GADD45B: variants seen among roughly 807,000 people sequenced by gnomAD.
GADD45B encodes the protein growth arrest and DNA damage-inducible protein GADD45 beta.
In GADD45B, 8 loss-of-function variants were observed where a neutral mutation model predicts 15.2. The observed-to-expected ratio is 0.53, with a 90% confidence interval of 0.31 to 0.95. The LOEUF (loss-of-function observed/expected upper bound fraction) is 0.95. Ranked by LOEUF, GADD45B falls within the 40% of genes least tolerant of loss-of-function variation. The pLI is 0.05. For missense variants in GADD45B, 162 were observed against 216.6 expected, an observed-to-expected ratio of 0.75 and a Z score of 1.58; for synonymous variants, 100 against 89.8, an observed-to-expected ratio of 1.11 and a Z score of -0.64.
chr19:2,476,239 G>T lies in GADD45B; in HGVS notation c.-120G>T, dbSNP rs894150074. 246 of 892,968 alleles carry T rather than the reference G, an allele frequency of 2.8e-4. 1 individual carries two copies. Among genetic ancestry groups the T allele is most frequent in the Non-Finnish European group, 3.5e-4 (187 of 536,372 alleles). 55.3% of individuals were successfully genotyped at this position (892,968 alleles called of 1,614,324 possible). ...TTCTGGAAGGATTTCGCTGCTTCCC[G>T]AAGGTCTTGGACGAGCGCTCTAGCT... On this transcript the variant is annotated 5_prime_UTR_variant, in exon 1 of 4. Transcript: ENST00000215631.
Position 2,477,344 on chromosome 19 carries a change from C to A in GADD45B, c.369+93C>A. 1.9e-6 allele frequency: 2 copies of A among 1,040,698 alleles called. No homozygotes were observed. Among genetic ancestry groups the A allele is most frequent in the Non-Finnish European group, 1.4e-6 (1 of 718,310 alleles). The allele number at this position is 1,040,698 out of a possible 1,614,324, so 64.5% of individuals were successfully genotyped here. ...GGCTGACTGGTCCTGCACAGCTCAG[C>A]GCTCAGCCACGTTTGGCATGTCCCG... On this transcript the variant is annotated intron_variant, in intron 3 of 3. Transcript: ENST00000215631. The surrounding 1 kb of genome is among the most constrained non-coding windows in gnomAD (Gnocchi z 4.2).
chr19:2,476,161 G>A lies in GADD45B; in HGVS notation c.-198G>A. ...AAGCGTCGGACTACCGTTGGTTTCC[G>A]CAACTTCCTGGATTATCCTCGCCAA... On this transcript the variant is annotated 5_prime_UTR_variant, in exon 1 of 4. Transcript: ENST00000215631. 4 of 624,466 alleles carry A rather than the reference G, an allele frequency of 6.4e-6. No homozygotes were observed. Among genetic ancestry groups the A allele is most frequent in the South Asian group, 1.9e-5 (1 of 52,620 alleles). The allele number at this position is 624,466 out of a possible 1,614,324, so 38.7% of individuals were successfully genotyped here. A position where few individuals can be genotyped will look rare whatever the true frequency, so the allele number is the denominator to read the frequency against.
chr19:2,477,271 T>TGCCCC lies in GADD45B; in HGVS notation c.369+24_369+28dup, dbSNP rs756735761. The TGCCCC allele has an allele frequency of 3.3e-5, 48 of 1,462,578 alleles. No homozygotes were observed. The African/African-American group carries it at 6.7e-4, about 21-fold the overall frequency. 90.6% of individuals were successfully genotyped at this position (1,462,578 alleles called of 1,614,324 possible). A position where few individuals can be genotyped will look rare whatever the true frequency, so the allele number is the denominator to read the frequency against. ...GTCACGGTGAGTCGGGCCTCTGCCC[T>TGCCCC]GCCCCGCCACGCCCGGGCACCTGGG... On this transcript the variant is annotated intron_variant, in intron 3 of 3. Transcript: ENST00000215631. This position sits in a 1 kb window ranked among gnomAD's most constrained non-coding sequence, Gnocchi z 4.2.
In GADD45B at chr19:2,477,544, C is replaced by T. The variant is rs1316076746; in HGVS notation, c.426C>T (p.Cys142=). The T allele has an allele frequency of 1.9e-6, 3 of 1,613,722 alleles. No individual in the cohort carries two copies. The highest frequency in any genetic ancestry group is 2.5e-6 in the Non-Finnish European group (3 of 1,179,648). ...GCTTGGTGGAGGTGGCCAGCTACTG[C>T]GAAGAAAGCCGGGGCAACAACCAGT... is the stretch of plus-strand genomic sequence containing the variant. The part of the protein sequence containing the change: ...SHGLVEVASY[C]EESRGNNQWV... Residue 142 remains cysteine (C), a synonymous_variant, in exon 4 of 4, where the codon TGC becomes TGT. Coordinates refer to ENST00000215631, the MANE Select transcript of GADD45B (RefSeq NM_015675.4). The surrounding 1 kb of genome is among the most constrained non-coding windows in gnomAD (Gnocchi z 4.2).
chr19:2,477,375 AGCCGGGC>A lies in GADD45B; in HGVS notation c.370-112_370-106del. On this transcript the variant is annotated intron_variant, in intron 3 of 3. Coordinates refer to ENST00000215631, the MANE Select transcript of GADD45B (RefSeq NM_015675.4). The surrounding 1 kb of genome is among the most constrained non-coding windows in gnomAD (Gnocchi z 4.2). The stretch of plus-strand genomic sequence containing the variant: ...GCCACGTTTGGCATGTCCCGTGGGC[AGCCGGGC>A]TGGGGCCTCCTCACCCAGGAAGCTA... 1 of 1,009,576 alleles carries A rather than the reference AGCCGGGC, an allele frequency of 9.9e-7. No homozygotes were observed. The highest frequency in any genetic ancestry group is 1.5e-6 in the Non-Finnish European group (1 of 682,870). 62.5% of individuals were successfully genotyped at this position (1,009,576 alleles called of 1,614,324 possible).
At position 2,477,778 on chromosome 19, in the gene GADD45B, G is replaced by A. The variant is rs375456857; in HGVS notation, c.*177G>A. On this transcript the variant is annotated 3_prime_UTR_variant, in exon 4 of 4. Transcript: ENST00000215631. The surrounding 1 kb of genome is among the most constrained non-coding windows in gnomAD (Gnocchi z 4.2). ...GAGGAGGAGGAGAAGGGGAGTGAGC[G>A]GCCGCCCCCAGGGCGGAGATCCAGG... 2 of 448,894 alleles carry A rather than the reference G, an allele frequency of 4.5e-6. No individual in the cohort carries two copies. The highest frequency in any genetic ancestry group is 2.0e-5 in the African/African-American group (1 of 50,324). The allele number at this position is 448,894 out of a possible 1,614,324, so 27.8% of individuals were successfully genotyped here. A position where few individuals can be genotyped will look rare whatever the true frequency, so the allele number is the denominator to read the frequency against.
At chr19:2,476,499 C>T (rs375019788) in intron 1 of GADD45B, 30 bp from the exon 2 acceptor site, 2 of 1,601,574 alleles carry the variant, frequency 1.2e-6, no homozygotes, top group African/African-American at 2.7e-5. Flanking sequence ...GGTGGTCCGC[C>T]CGTCACTGAT....
At position 2,477,157 on chromosome 19, in the gene GADD45B, T is replaced by C. The variant is rs765623796; in HGVS notation, c.275T>C (p.Val92Ala). 3.0e-5 allele frequency: 49 copies of C among 1,613,416 alleles called. No individual in the cohort carries two copies. Among genetic ancestry groups the C allele is most frequent in the Non-Finnish European group, 4.2e-5 (49 of 1,179,962 alleles). The change falls in exon 3 of 4, where the codon GTG (valine) becomes GCG (alanine). Residue 92 changes from valine to alanine, a missense_variant. By Grantham distance (64) the Val-to-Ala change is moderately conservative. Coordinates refer to ENST00000215631, the MANE Select transcript of GADD45B (RefSeq NM_015675.4). The surrounding 1 kb of genome is among the most constrained non-coding windows in gnomAD (Gnocchi z 4.2). ...GACAACGACATCAACATCGTGCGGGTGTCGGGCATGCAGCGCCTGGCGCAG... is the reference window on the plus strand; with the variant it reads ...GACAACGACATCAACATCGTGCGGGCGTCGGGCATGCAGCGCCTGGCGCAG... ...CCDNDINIVR[V>A]SGMQRLAQLL...
chr19:2,476,181 CG>C lies in GADD45B; in HGVS notation c.-177del. 1 of 674,092 alleles carries C rather than the reference CG, an allele frequency of 1.5e-6. No individual in the cohort carries two copies. Among genetic ancestry groups the C allele is most frequent in the South Asian group, 1.7e-5 (1 of 57,800 alleles). 41.8% of individuals were successfully genotyped at this position (674,092 alleles called of 1,614,324 possible). On this transcript the variant is annotated 5_prime_UTR_variant, in exon 1 of 4. Coordinates refer to ENST00000215631, the MANE Select transcript of GADD45B (RefSeq NM_015675.4). The stretch of plus-strand genomic sequence containing the variant: ...TTTCCGCAACTTCCTGGATTATCCT[CG>C]CCAAGGACTTTGCAATATATTTTTC...
At position 2,477,818 on chromosome 19, in the gene GADD45B, G is replaced by C; in HGVS notation, c.*217G>C. 2.3e-6 allele frequency: 1 copy of C among 425,616 alleles called. No homozygotes were observed. The highest frequency in any genetic ancestry group is 3.7e-5 in the Admixed American group (1 of 27,288). The allele number at this position is 425,616 out of a possible 1,614,324, so 26.4% of individuals were successfully genotyped here. A position where few individuals can be genotyped will look rare whatever the true frequency, so the allele number is the denominator to read the frequency against. The stretch of plus-strand genomic sequence containing the variant: ...GGAGATCCAGGAGCTGGCGGCCGCC[G>C]ATCCGATGGAGAAGGGGGGACCCAG... On this transcript the variant is annotated 3_prime_UTR_variant, in exon 4 of 4. Transcript: ENST00000215631. The surrounding 1 kb of genome is among the most constrained non-coding windows in gnomAD (Gnocchi z 4.2).
rs759077474 is a variant in GADD45B at position 2,476,376 on chromosome 19, C to T, written c.18C>T (p.Leu6=). Residue 6 remains leucine, a synonymous_variant, in exon 1 of 4, where the codon CTC becomes CTT. Transcript: ENST00000215631. ...ATTGCAACATGACGCTGGAAGAGCT[C>T]GTGGCGTGCGACAACGCGGCGCAGA... is the stretch of plus-strand genomic sequence containing the variant. The part of the protein sequence containing the change: MTLEE[L]VACDNAAQKM... 1 of 1,613,472 alleles carries T rather than the reference C, an allele frequency of 6.2e-7. No homozygotes were observed. Among genetic ancestry groups the T allele is most frequent in the Non-Finnish European group, 8.5e-7 (1 of 1,179,826 alleles).
chr19:2,477,662 T>A lies in GADD45B; in HGVS notation c.*61T>A. 3.7e-6 allele frequency: 3 copies of A among 818,330 alleles called. No homozygotes were observed. The highest frequency in any genetic ancestry group is 6.1e-6 in the Non-Finnish European group (3 of 494,632). The allele number at this position is 818,330 out of a possible 1,614,324, so 50.7% of individuals were successfully genotyped here. A position where few individuals can be genotyped will look rare whatever the true frequency, so the allele number is the denominator to read the frequency against. ...CCACAAACAAAAAATACAATAAATA[T>A]TTGAACCCCCTCCCCCCCAGCACAA... On this transcript the variant is annotated 3_prime_UTR_variant, in exon 4 of 4. Transcript: ENST00000215631. This position sits in a 1 kb window ranked among gnomAD's most constrained non-coding sequence, Gnocchi z 4.2.
rs1160301694 is a variant in GADD45B, at chr19:2,477,740, G to A, written c.*139G>A. Reference sequence around the variant, plus strand: ...GACCATCGGGGGCAGAGTCGTTGGAGACTGAAGAGGAAGAGGAGGAGGAGA... The same window carrying A: ...GACCATCGGGGGCAGAGTCGTTGGAAACTGAAGAGGAAGAGGAGGAGGAGA... On this transcript the variant is annotated 3_prime_UTR_variant, in exon 4 of 4. Transcript: ENST00000215631. This position sits in a 1 kb window ranked among gnomAD's most constrained non-coding sequence, Gnocchi z 4.2. 4 of 534,046 alleles carry A rather than the reference G, an allele frequency of 7.5e-6. No individual in the cohort carries two copies. Among genetic ancestry groups the A allele is most frequent in the South Asian group, 4.3e-5 (2 of 46,176 alleles). The allele number at this position is 534,046 out of a possible 1,614,324, so 33.1% of individuals were successfully genotyped here. A position where few individuals can be genotyped will look rare whatever the true frequency, so the allele number is the denominator to read the frequency against.
rs778745763 is a variant in GADD45B, at chr19:2,477,209, G to A, written c.327G>A (p.Gln109=). 4 of 1,605,400 alleles carry A rather than the reference G, an allele frequency of 2.5e-6. No individual in the cohort carries two copies. Among genetic ancestry groups the A allele is most frequent in the Non-Finnish European group, 3.4e-6 (4 of 1,178,584 alleles). ...TCCTGGGAGAGCCGGCCGAGACCCA[G>A]GGCACCACCGAGGCCCGAGACCTGC... The part of the protein sequence containing the change: ...AQLLGEPAET[Q]GTTEARDLHC... Residue 109 remains glutamine, a synonymous_variant, in exon 3 of 4, where the codon CAG becomes CAA. Coordinates refer to ENST00000215631, the MANE Select transcript of GADD45B (RefSeq NM_015675.4). The surrounding 1 kb of genome is among the most constrained non-coding windows in gnomAD (Gnocchi z 4.2).
In GADD45B at chr19:2,476,364, G is replaced by C. The variant is rs745992986; in HGVS notation, c.6G>C (p.Thr2=). The C allele has an allele frequency of 1.2e-6, 2 of 1,613,854 alleles. No individual in the cohort carries two copies. The highest frequency in any genetic ancestry group is 4.5e-5 in the East Asian group (2 of 44,884). Residue 2 remains threonine (T), a synonymous_variant, in exon 1 of 4, where the codon ACG becomes ACC. Transcript: ENST00000215631. ...CTGTGGATTATAATTGCAACATGACGCTGGAAGAGCTCGTGGCGTGCGACA... is the reference window on the plus strand; with the variant it reads ...CTGTGGATTATAATTGCAACATGACCCTGGAAGAGCTCGTGGCGTGCGACA... M[T]LEELVACDNA... is the part of the protein sequence containing the mutation.
chr19:2,476,216 C>A lies in GADD45B; in HGVS notation c.-143C>A. On this transcript the variant is annotated 5_prime_UTR_variant, in exon 1 of 4. The change creates a new upstream start codon in the 5' untranslated region. Transcript: ENST00000215631. ...TTTGCAATATATTTTTCCGCCTTTT[C>A]TGGAAGGATTTCGCTGCTTCCCGAA... The A allele has an allele frequency of 1.3e-6, 1 of 797,288 alleles. No individual in the cohort carries two copies. Among genetic ancestry groups the A allele is most frequent in the Admixed American group, 2.0e-5 (1 of 50,490 alleles). 49.4% of individuals were successfully genotyped at this position (797,288 alleles called of 1,614,324 possible).
intron 1 of GADD45B, 43 bp downstream of exon 1, chr19:2,476,445 G>A (rs1245733658): frequency 6.2e-7 from 1 of 1,609,596 alleles, no homozygotes; most frequent in East Asian, 2.2e-5. Context: ...AGCCGGGACG[G>A]GATGGGTCGG....
Position 2,476,607 on chromosome 19 carries a change from C to T in GADD45B, c.123C>T (p.Tyr41=), listed in dbSNP as rs1972318752. ...AGGATCGCCTCACAGTGGGGGTGTA[C>T]GAGTCGGCCAAGTTGATGAATGTGT... ...QRQDRLTVGV[Y]ESAKLMNVDP... Residue 41 remains tyrosine, a synonymous_variant, in exon 2 of 4, where the codon TAC becomes TAT. Coordinates refer to ENST00000215631, the MANE Select transcript of GADD45B (RefSeq NM_015675.4). 6.3e-7 allele frequency: 1 copy of T among 1,582,494 alleles called. No homozygotes were observed. Among genetic ancestry groups the T allele is most frequent in the Non-Finnish European group, 8.6e-7 (1 of 1,160,894 alleles).
chr19:2,476,706 C>G (rs1162221544), intron 2 of GADD45B, 76 bp downstream of exon 2: 1 of 886,046 alleles, frequency 1.1e-6, no homozygotes, highest in Non-Finnish European at 1.7e-6. Flanking sequence ...TTTCCGCACG[C>G]TTGTCTTGCA....
Sources: allele counts gnomAD v4.1 joint callset, GRCh38; gene constraint gnomAD v4.1.1; non-coding constraint Gnocchi (gnomAD v3.1); transcripts MANE v1.5; gene names NCBI Gene and HGNC (gene_info 2026-07-23, HGNC 2026-07-21).